DAGLA: variants seen among roughly 807,000 people sequenced by gnomAD.
DAGLA encodes the protein diacylglycerol lipase-alpha.
DAGLA carries 22 observed loss-of-function variants against 102.6 expected under a neutral mutation model. That is an observed-to-expected ratio of 0.21 (90% CI 0.15 to 0.31). The LOEUF is 0.31. DAGLA is among the 10% of genes least tolerant of loss of function. The pLI is 1.00. For synonymous variants in DAGLA, 578 were observed against 628.9 expected (o/e 0.92, Z 1.21); for missense variants, 927 against 1,446.6 (o/e 0.64, Z 5.83).
intron 1 of DAGLA, among the ~76,000 whole-genome samples, chr11:61,705,499 G>A (rs1015312404): frequency 5.9e-5 from 9 of 152,162 alleles, no homozygotes; most frequent in African/African-American, 1.9e-4. Context: ...TGCTTGTTCC[G>A]CTCTGCTCTC....
In DAGLA at chr11:61,743,650, G is replaced by T; in HGVS notation, c.2290G>T (p.Glu764Ter). Reference protein sequence around the residue: ...PVELLLLSTQERLAAELQARR... With the variant: ...PVELLLLSTQ The stretch of plus-strand genomic sequence containing the variant: ...GGAGCTGCTGCTGCTGTCTACCCAG[G>T]AGCGGCTGGCGGCGGAGCTGCAGGC... Residue 764 changes from glutamate (E) to a stop codon, truncating the protein, a stop_gained, in exon 20 of 20, where the codon GAG becomes TAG. Transcript: ENST00000257215. LOFTEE classifies it high-confidence loss of function. 6.2e-7 allele frequency: 1 copy of T among 1,600,162 alleles called. No individual in the cohort carries two copies.
chr11:61,704,912 T>A (rs1207718224), intron 1 of DAGLA, among the ~76,000 whole-genome samples: 1 of 152,134 alleles, frequency 6.6e-6, no homozygotes, highest in Non-Finnish European at 1.5e-5. Context: ...CTCAAGCACA[T>A]GATTGGGAAC....
At chr11:61,740,661 A>T in intron 18 of DAGLA, 69 bp downstream of exon 18, 12 of 1,575,446 alleles carry the variant, frequency 7.6e-6, no homozygotes, top group South Asian at 5.7e-5. Context: ...CCCCGTAAGC[A>T]CCATCAGATC....
Position 61,728,218 on chromosome 11 carries a change from C to G in DAGLA, c.702C>G (p.Ser234=). 6.2e-7 allele frequency: 1 copy of G among 1,614,120 alleles called. No individual in the cohort carries two copies. The highest frequency in any genetic ancestry group is 8.5e-7 in the Non-Finnish European group (1 of 1,180,016). ...TCCGGGACCTTGACATTGTGCCATC[C>G]GACATCATTGCTGGCCTGGTGCTGC... The part of the protein sequence containing the change: ...EFFRDLDIVP[S]DIIAGLVLLR... The change falls in exon 7 of 20, where the codon TCC becomes TCG. Residue 234 remains serine, a synonymous_variant. Transcript: ENST00000257215.
intron 1 of DAGLA, among the ~76,000 whole-genome samples, chr11:61,682,507 C>T (rs2135543547): frequency 6.6e-6 from 1 of 152,286 alleles, no homozygotes; most frequent in African/African-American, 2.4e-5. Context: ...GAGGACAGTC[C>T]TGAGCATGGC....
chr11:61,735,102 CTGGTGCTGG>C, intron 10 of DAGLA, 100 bp downstream of exon 10: 1 of 1,377,218 alleles, frequency 7.3e-7, no homozygotes, highest in Non-Finnish European at 1.0e-6. Flanking sequence ...CCTTGCTTGG[CTGGTGCTGG>C]CTGGCTGCAG....
intron 1 of DAGLA, among the ~76,000 whole-genome samples, chr11:61,712,641 G>A (rs2065203514): frequency 6.6e-6 from 1 of 152,172 alleles, no homozygotes; most frequent in African/African-American, 2.4e-5. Flanking sequence ...CCTAACTTGG[G>A]TTGCACACAC....
At chr11:61,704,666 GA>G (rs1281860790) in intron 1 of DAGLA, among the ~76,000 whole-genome samples, 1 of 152,202 alleles carries the variant, frequency 6.6e-6, no homozygotes, top group Non-Finnish European at 1.5e-5. Context: ...GATGTTCAGA[GA>G]AAAGCTTTGC....
intron 1 of DAGLA, among the ~76,000 whole-genome samples, chr11:61,714,092 G>A (rs759553829): frequency 8.5e-5 from 13 of 152,262 alleles, no homozygotes; most frequent in Admixed American, 2.6e-4. Flanking sequence ...GAAGTGTGGC[G>A]TCCAGTGCTA....
Position 61,735,551 on chromosome 11 carries a change from C to T in DAGLA, c.1129-10C>T, listed in dbSNP as rs752089079. The T allele has an allele frequency of 1.8e-5, 29 of 1,613,450 alleles. No homozygotes were observed. The highest frequency in any genetic ancestry group is 5.5e-5 in the South Asian group (5 of 90,994). ...GGGCCGCTCAGGCTCACGAGCTGCCCGCCTCCTAGGTCTATGAAACGCCCT... is the reference window on the plus strand; with the variant it reads ...GGGCCGCTCAGGCTCACGAGCTGCCTGCCTCCTAGGTCTATGAAACGCCCT... On this transcript the variant is annotated splice_polypyrimidine_tract_variant and intron_variant, in intron 10 of 19. Transcript: ENST00000257215.
Position 61,723,498 on chromosome 11 carries a change from C to T in DAGLA, c.474C>T (p.Asp158=). The change falls in exon 5 of 20, where the codon GAC becomes GAT. Residue 158 remains aspartate (D), a synonymous_variant. Coordinates refer to ENST00000257215, the MANE Select transcript of DAGLA (RefSeq NM_006133.3). ...SVCITVLCVF[D]PTGRTFVKLR... The stretch of plus-strand genomic sequence containing the variant: ...GCATCACTGTCCTCTGCGTCTTCGA[C>T]CCCACGGGCCGCACCTTTGTCAAGC... 1 of 1,614,152 alleles carries T rather than the reference C, an allele frequency of 6.2e-7. No individual in the cohort carries two copies. Among genetic ancestry groups the T allele is most frequent in the Non-Finnish European group, 8.5e-7 (1 of 1,180,028 alleles).
chr11:61,694,432 A>G (rs2065047752), intron 1 of DAGLA, among the ~76,000 whole-genome samples: 1 of 152,222 alleles, frequency 6.6e-6, no homozygotes, highest in Non-Finnish European at 1.5e-5. Flanking sequence ...GGCAGGAGGA[A>G]GGGAGACCAA....
chr11:61,728,889 C>T, intron 7 of DAGLA, 42 bp from the exon 8 acceptor site: 1 of 1,577,640 alleles, frequency 6.3e-7, no homozygotes, highest in East Asian at 2.2e-5. Context: ...TGCAGCCGGG[C>T]CTGGGCCAGT....
At chr11:61,696,797 A>G (rs887736247) in intron 1 of DAGLA, among the ~76,000 whole-genome samples, 4 of 152,142 alleles carry the variant, frequency 2.6e-5, no homozygotes, top group Admixed American at 6.5e-5. Context: ...GAGGTGTTGC[A>G]ATTACCGTGT....
At chr11:61,738,091 G>A (rs200766942) in intron 15 of DAGLA, 44 bp from the exon 16 acceptor site, 131 of 1,539,492 alleles carry the variant, frequency 8.5e-5, no homozygotes, top group African/African-American at 7.8e-4. Context: ...TCTCATAGCC[G>A]CTGACCAGGC....
intron 18 of DAGLA, 152 bp from the exon 19 acceptor site, chr11:61,741,010 G>A: frequency 1.4e-6 from 1 of 697,262 alleles, no homozygotes; most frequent in Non-Finnish European, 2.3e-6. Flanking sequence ...CAGGCCTTGG[G>A]GAGTGGTGAC....
At chr11:61,728,886 G>C (rs753524078) in intron 7 of DAGLA, 45 bp from the exon 8 acceptor site, 5 of 1,570,650 alleles carry the variant, frequency 3.2e-6, no homozygotes, top group East Asian at 4.5e-5. Flanking sequence ...CCATGCAGCC[G>C]GGCCTGGGCC....
chr11:61,703,447 G>T (rs774480814), intron 1 of DAGLA, among the ~76,000 whole-genome samples: 6 of 151,838 alleles, frequency 4.0e-5, no homozygotes, highest in Non-Finnish European at 7.4e-5. Context: ...GGGGGTGGGG[G>T]TGGGGTTGGG....
intron 7 of DAGLA, 52 bp from the exon 8 acceptor site, chr11:61,728,879 T>C (rs368442113): frequency 3.9e-6 from 6 of 1,549,390 alleles, no homozygotes; most frequent in Non-Finnish European, 4.5e-6. Context: ...TTCCCAGCCA[T>C]GCAGCCGGGC....
Sources: gnomAD v4.1 joint callset for allele counts (sites outside exome capture counted in the v4.1 genomes callset) on GRCh38, gnomAD v4.1.1 for gene constraint, MANE v1.5 for transcripts, NCBI Gene and HGNC (gene_info 2026-07-23, HGNC 2026-07-21) for gene names.